SCN1A: variants seen among roughly 807,000 people sequenced by gnomAD.
The protein encoded by SCN1A is sodium channel protein type 1 subunit alpha.
A neutral mutation model predicts 193.7 loss-of-function variants in SCN1A; 13 were observed. The ratio of observed to expected loss-of-function variants is 0.07; its 90% CI spans 0.04 to 0.11. The LOEUF (loss-of-function observed/expected upper bound fraction) is 0.11, where lower values mean the gene tolerates loss of function less well. Ranked by LOEUF, SCN1A falls within the 10% of genes least tolerant of loss-of-function variation. The probability of loss-of-function intolerance (pLI) is 1.00; values close to 1 mark genes in which losing one functional copy is unlikely to be tolerated. For synonymous variants in SCN1A, 781 were observed against 843.6 expected, an observed-to-expected ratio of 0.93 and a Z score of 1.29; for missense variants, 1,432 against 2,451.1, an observed-to-expected ratio of 0.58 and a Z score of 8.78.
rs898168031 is a variant in SCN1A, at chr2:165,990,154, G to T, written c.*1091C>A. The T allele has an allele frequency of 6.6e-6, 1 of 152,552 alleles. No homozygotes were observed. The highest frequency in any genetic ancestry group is 1.5e-5 in the Non-Finnish European group (1 of 68,028). 9.4% of individuals were successfully genotyped at this position (152,552 alleles called of 1,614,324 possible). A position where few individuals can be genotyped will look rare whatever the true frequency, so the allele number is the denominator to read the frequency against. ...TGGTACAGAATACATTTTATTACCTGTGTAAAGCTTGCACTCTACATTTCT... is the reference window on the plus strand; with the variant it reads ...TGGTACAGAATACATTTTATTACCTTTGTAAAGCTTGCACTCTACATTTCT... On this transcript the variant is annotated 3_prime_UTR_variant, in exon 29 of 29. Transcript: ENST00000674923.
rs2105510551 is a variant in SCN1A at position 166,002,738 on chromosome 2, G to C, written c.4018C>G (p.Leu1340Val). 1 of 1,608,918 alleles carries C rather than the reference G, an allele frequency of 6.2e-7. No homozygotes were observed. The highest frequency in any genetic ancestry group is 8.5e-7 in the Non-Finnish European group (1 of 1,177,310). ...ATGATGGATGGAATTGCTCCTAAAA[G>C]GGCATTCACAACCACCTAATACACA... ...FEGMRVVVNA[L>V]LGAIPSIMNV... The change falls in exon 24 of 29, where the codon CTT (leucine) becomes GTT (valine). Residue 1340 changes from leucine to valine, a missense_variant. Leu to Val is a conservative substitution (Grantham distance 32). Transcript: ENST00000674923.
intron 1 of SCN1A, among the ~76,000 whole-genome samples, chr2:166,145,897 G>A (rs1024207109): frequency 5.3e-5 from 8 of 152,150 alleles, no homozygotes; most frequent in Non-Finnish European, 7.3e-5. Flanking sequence ...GCTGTGGAGA[G>A]ATGGACTACT....
At chr2:166,148,364 G>A (rs867553121) in intron 1 of SCN1A, among the ~76,000 whole-genome samples, 4 of 152,154 alleles carry the variant, frequency 2.6e-5, no homozygotes, top group Admixed American at 2.6e-4. Flanking sequence ...CACAGTGTGA[G>A]AGTCTAAAAC....
At position 166,041,413 on chromosome 2, in the gene SCN1A, A is replaced by C; in HGVS notation, c.2233T>G (p.Phe745Val). 6.2e-7 allele frequency: 1 copy of C among 1,613,670 alleles called. No homozygotes were observed. Among genetic ancestry groups the C allele is most frequent in the Non-Finnish European group, 8.5e-7 (1 of 1,179,876 alleles). The stretch of plus-strand genomic sequence containing the variant: ...TATGGAGAACAGTCCCAGATTAAGA[A>C]TATGTTGGAAAATTTATACCAACAG... ...PPCWYKFSNI[F>V]LIWDCSPYWL... The change falls in exon 16 of 29, where the codon TTC (phenylalanine) becomes GTC (valine). Residue 745 changes from phenylalanine to valine, a missense_variant. Phe to Val is a conservative substitution (Grantham distance 50). This residue lies in a region of SCN1A where 316 missense variants were observed against 362.1 expected (regional missense o/e 0.87). Transcript: ENST00000674923.
At position 166,039,467 on chromosome 2, in the gene SCN1A, G is replaced by C; in HGVS notation, c.2545C>G (p.Leu849Val). The C allele has an allele frequency of 6.2e-7, 1 of 1,612,464 alleles. No homozygotes were observed. The highest frequency in any genetic ancestry group is 8.5e-7 in the Non-Finnish European group (1 of 1,179,680). The change falls in exon 17 of 29, where the codon CTC (leucine) becomes GTC (valine). Residue 849 changes from leucine (L) to valine (V), a missense_variant. Around this residue, in one of 18 missense-constraint regions of SCN1A, gnomAD observed 93 missense variants for 260.4 expected, o/e 0.36. Transcript: ENST00000674923. Reference protein sequence around the residue: ...IVTLSLVELGLANVEGLSVLR... With the variant: ...IVTLSLVELGVANVEGLSVLR... Reference sequence around the variant, plus strand: ...ACAGATAATCCTTCCACATTGGCGAGTCCAAGTTCTACCAGGCTAAGCGTC... The same window carrying C: ...ACAGATAATCCTTCCACATTGGCGACTCCAAGTTCTACCAGGCTAAGCGTC...
At chr2:166,058,851 CTCTTCTTAATTAGAGA>C (rs1682980665) in intron 4 of SCN1A, among the ~76,000 whole-genome samples, 163 bp from the exon 5 acceptor site, 1 of 152,102 alleles carries the variant, frequency 6.6e-6, no homozygotes, top group African/African-American at 2.4e-5. Flanking sequence ...GTCACTGGAT[CTCTTCTTAATTAGAGA>C]GGAAATCCAA....
chr2:166,050,394 T>C (rs556145703), intron 9 of SCN1A, among the ~76,000 whole-genome samples: 12 of 151,392 alleles, frequency 7.9e-5, no homozygotes, highest in Admixed American at 4.6e-4. Context: ...TCAGATATTA[T>C]TTTACTTCGA....
chr2:166,006,085 T>C (rs1327543593), intron 23 of SCN1A, among the ~76,000 whole-genome samples: 1 of 151,382 alleles, frequency 6.6e-6, no homozygotes, highest in Non-Finnish European at 1.5e-5. Flanking sequence ...AAATGTCTTT[T>C]TATCTGAATT....
intron 2 of SCN1A, among the ~76,000 whole-genome samples, chr2:166,102,426 G>A (rs1319473951): frequency 6.6e-6 from 1 of 150,934 alleles, no homozygotes; most frequent in Non-Finnish European, 1.5e-5. Flanking sequence ...AACCCAGGAG[G>A]CGGAGCTTGG....
chr2:166,058,195 G>C (rs1233600571), intron 5 of SCN1A, among the ~76,000 whole-genome samples: 1 of 152,032 alleles, frequency 6.6e-6, no homozygotes, highest in Non-Finnish European at 1.5e-5. Flanking sequence ...TCTGGAAGTA[G>C]ATTTTTCTGT....
intron 2 of SCN1A, among the ~76,000 whole-genome samples, chr2:166,121,118 G>GAAAAAAAAAAAAAAAAAAAAA (rs11299049): frequency 1.0e-5 from 1 of 96,576 alleles, no homozygotes; most frequent in African/African-American, 3.7e-5. Flanking sequence ...GGAAAAAAAA[G>GAAAAAAAAAAAAAAAAAAAAA]AAAAAAAAAA....
At chr2:166,091,634 C>T (rs533309998) in intron 2 of SCN1A, among the ~76,000 whole-genome samples, 3 of 152,314 alleles carry the variant, frequency 2.0e-5, no homozygotes, top group Non-Finnish European at 4.4e-5. Context: ...TAAACCGATA[C>T]ATCTTGCTGG....
intron 2 of SCN1A, among the ~76,000 whole-genome samples, chr2:166,101,513 A>T (rs1475586937): frequency 1.1e-5 from 1 of 94,794 alleles, no homozygotes; most frequent in Admixed American, 1.3e-4. Flanking sequence ...GTATAATTAA[A>T]AAAAAAAAAA....
At chr2:166,134,358 A>G in intron 1 of SCN1A, among the ~76,000 whole-genome samples, 1 of 152,220 alleles carries the variant, frequency 6.6e-6, no homozygotes, top group East Asian at 1.9e-4. Flanking sequence ...AGCACATAAG[A>G]AGCAAAATGG....
intron 2 of SCN1A, 125 bp downstream of exon 2, chr2:166,126,799 A>G (rs913222458): frequency 1.3e-5 from 2 of 152,250 alleles, no homozygotes; most frequent in Non-Finnish European, 2.9e-5. Flanking sequence ...GTTGCATTGG[A>G]CAGGTGAAAA....
At chr2:166,018,714 T>C (rs1315761450) in intron 19 of SCN1A, among the ~76,000 whole-genome samples, 2 of 152,084 alleles carry the variant, frequency 1.3e-5, no homozygotes, top group Non-Finnish European at 2.9e-5. Flanking sequence ...TAACACAATA[T>C]GAGAATAACA....
At chr2:166,049,088 T>A in intron 9 of SCN1A, 139 bp from the exon 10 acceptor site, 1 of 657,586 alleles carries the variant, frequency 1.5e-6, no homozygotes, top group Admixed American at 2.3e-5. Flanking sequence ...CAAGTATTTG[T>A]CTCTTCTCCC....
intron 16 of SCN1A, among the ~76,000 whole-genome samples, chr2:166,040,836 T>C (rs1697077250): frequency 6.6e-6 from 1 of 152,174 alleles, no homozygotes. Flanking sequence ...CATTTTTGAG[T>C]TGTTAAATTA....
chr2:166,024,337 A>C (rs927043012), intron 19 of SCN1A, among the ~76,000 whole-genome samples: 3 of 152,222 alleles, frequency 2.0e-5, no homozygotes, highest in African/African-American at 7.2e-5. Context: ...AACCATCCAC[A>C]TGTAGCTGGG....
Sources: gnomAD v4.1 joint callset for allele counts (sites outside exome capture counted in the v4.1 genomes callset) on GRCh38, gnomAD v4.1.1 for gene constraint, gnomAD v4.1.1 regional missense constraint, MANE v1.5 for transcripts, NCBI Gene and HGNC (gene_info 2026-07-23, HGNC 2026-07-21) for gene names.